METAP1D: variants seen among roughly 807,000 people sequenced by gnomAD.
The protein encoded by METAP1D is methionyl aminopeptidase type 1D, mitochondrial.
A neutral mutation model predicts 40.5 loss-of-function variants in METAP1D; 31 were observed. That is an observed-to-expected ratio of 0.77 (90% CI 0.58 to 1.03). The LOEUF (loss-of-function observed/expected upper bound fraction) is 1.03. METAP1D is among the 50% of genes least tolerant of loss of function. The pLI is 0.00. For synonymous variants in METAP1D, 151 were observed against 146.4 expected (o/e 1.03, Z -0.22); for missense variants, 411 against 420.7 (o/e 0.98, Z 0.20).
At chr2:172,030,078 T>TTTTA (rs1553491883) in intron 1 of METAP1D, among the ~76,000 whole-genome samples, 137 of 149,976 alleles carry the variant, frequency 9.1e-4, no homozygotes, top group Middle Eastern at 3.5e-3. Flanking sequence ...TTTTATTTTA[T>TTTTA]TTTATTTATT....
intron 4 of METAP1D, 149 bp downstream of exon 4, chr2:172,065,901 T>C: frequency 1.2e-6 from 1 of 840,076 alleles, no homozygotes; most frequent in Non-Finnish European, 1.8e-6. Flanking sequence ...TTTTGAAGTA[T>C]TTTACTTCTA....
In METAP1D at chr2:172,034,083, AAAAAAAAAAAC is replaced by A. The variant is rs1553492390; in HGVS notation, c.41-27410_41-27400del. Among the ~76,000 whole-genome samples, 34 of 150,178 alleles carry A rather than the reference AAAAAAAAAAAC, an allele frequency of 2.3e-4. No homozygotes were observed. In the East Asian group the frequency reaches 5.0e-3, roughly 22 times the overall value. ...CAGAGCAAGACTTCATCTCAAAAAA[AAAAAAAAAAAC>A]AAAAGTCCTCATCTTTTGGATGTAC... is the stretch of plus-strand genomic sequence containing the variant. On this transcript the variant is annotated intron_variant, in intron 1 of 9. Transcript: ENST00000315796.
intron 1 of METAP1D, among the ~76,000 whole-genome samples, chr2:172,006,209 A>C (rs1292073398): frequency 6.7e-6 from 1 of 149,100 alleles, no homozygotes; most frequent in Non-Finnish European, 1.5e-5. Flanking sequence ...TTTGAGACGA[A>C]GTCTCGCTCT....
chr2:172,025,359 C>CA (rs1219876213), intron 1 of METAP1D, among the ~76,000 whole-genome samples: 1 of 152,106 alleles, frequency 6.6e-6, no homozygotes, highest in Non-Finnish European at 1.5e-5. Context: ...GACAAGATCT[C>CA]ACTCTGTGGC....
chr2:172,032,819 T>C (rs1163859703), intron 1 of METAP1D, among the ~76,000 whole-genome samples: 4 of 152,108 alleles, frequency 2.6e-5, no homozygotes, highest in Non-Finnish European at 1.5e-5. Flanking sequence ...TCCCAACACG[T>C]TGGGAGGCCG....
intron 1 of METAP1D, among the ~76,000 whole-genome samples, chr2:172,021,208 A>G (rs1343402944): frequency 6.6e-6 from 1 of 152,180 alleles, no homozygotes; most frequent in African/African-American, 2.4e-5. Flanking sequence ...TTTAGGATAT[A>G]TGGGGATAGA....
At chr2:172,077,560 G>A (rs949275450) in intron 6 of METAP1D, among the ~76,000 whole-genome samples, 5 of 152,158 alleles carry the variant, frequency 3.3e-5, no homozygotes, top group Non-Finnish European at 5.9e-5. Context: ...TGACTCAAAC[G>A]ACTGTGTTGG....
In METAP1D at chr2:172,063,754, A is replaced by G; in HGVS notation, c.242A>G (p.Asp81Gly). 6.2e-7 allele frequency: 1 copy of G among 1,614,102 alleles called. No homozygotes were observed. ...PDYVTTGIVP[D>G]WGDSIEVKNE... ...TATGTGACGACAGGCATTGTACCAG[A>G]CTGGGGAGACAGCATAGAAGTTAAG... Residue 81 changes from aspartate (D) to glycine (G), a missense_variant, in exon 3 of 10, where the codon GAC (aspartate) becomes GGC (glycine). Transcript: ENST00000315796.
At chr2:172,005,979 A>C (rs1688570663) in intron 1 of METAP1D, among the ~76,000 whole-genome samples, 1 of 152,158 alleles carries the variant, frequency 6.6e-6, no homozygotes, top group South Asian at 2.1e-4. Flanking sequence ...CAGTCATTAA[A>C]AAAAAATATA....
At chr2:172,072,791 C>T (rs1486384709) in intron 6 of METAP1D, among the ~76,000 whole-genome samples, 1 of 152,082 alleles carries the variant, frequency 6.6e-6, no homozygotes, top group Non-Finnish European at 1.5e-5. Context: ...CACAATTACT[C>T]ATATAATTGA....
chr2:172,003,899 G>C (rs190314812), intron 1 of METAP1D, among the ~76,000 whole-genome samples: 76 of 152,016 alleles, frequency 5.0e-4, no homozygotes, highest in African/African-American at 1.7e-3. Flanking sequence ...CGAGTAGCTG[G>C]GACCACAGGT....
At chr2:172,000,883 C>T (rs1416005540) in intron 1 of METAP1D, among the ~76,000 whole-genome samples, 2 of 152,070 alleles carry the variant, frequency 1.3e-5, no homozygotes, top group Admixed American at 6.6e-5. Context: ...TGCCTGTAGT[C>T]TCAGCTATTC....
chr2:172,061,357 T>G (rs1179449515), intron 1 of METAP1D, 141 bp from the exon 2 acceptor site: 3 of 663,930 alleles, frequency 4.5e-6, no homozygotes, highest in Non-Finnish European at 7.3e-6. Flanking sequence ...TACCACTGTT[T>G]TCATTTCTAT....
chr2:172,057,055 C>T (rs1435412088), intron 1 of METAP1D, among the ~76,000 whole-genome samples: 1 of 152,208 alleles, frequency 6.6e-6, no homozygotes, highest in Non-Finnish European at 1.5e-5. Flanking sequence ...AGAGCCCCTG[C>T]ACACTGCTGA....
chr2:172,071,178 C>G, intron 6 of METAP1D, 108 bp downstream of exon 6: 1 of 955,152 alleles, frequency 1.0e-6, no homozygotes. Flanking sequence ...ACCATCATTT[C>G]AGTCTGATAT....
chr2:172,030,893 G>T (rs1208028152), intron 1 of METAP1D, among the ~76,000 whole-genome samples: 6 of 152,244 alleles, frequency 3.9e-5, no homozygotes, highest in Admixed American at 2.0e-4. Flanking sequence ...ATCCTGCTGT[G>T]TAGTTTTAAG....
At position 172,068,857 on chromosome 2, in the gene METAP1D, C is replaced by T. The variant is rs57352446; in HGVS notation, c.541-2050C>T. The stretch of plus-strand genomic sequence containing the variant: ...TCCTTCCTTCCTTCCTTCCTTCCTT[C>T]GTTCCTCCCTTCCTCCCTCCCTTCC... On this transcript the variant is annotated intron_variant, in intron 5 of 9. Transcript: ENST00000315796. Among the ~76,000 whole-genome samples, 4,084 of 151,984 alleles carry T rather than the reference C, an allele frequency of 0.027. 539 individuals are homozygous for T. In the East Asian group the frequency reaches 0.42, roughly 16 times the overall value.
intron 1 of METAP1D, among the ~76,000 whole-genome samples, chr2:172,053,740 A>G (rs546362752): frequency 6.6e-6 from 1 of 152,304 alleles, no homozygotes; most frequent in East Asian, 1.9e-4. Flanking sequence ...TCTGGTTGAC[A>G]TTGTTAGCTA....
rs60153685 is a variant in METAP1D at position 172,055,403 on chromosome 2, C to T, written c.41-6095C>T. ...TTGATCTACATTAGTTACTGTAGTT[C>T]GGGTATCCTTTCTGTGACCCTGAAT... On this transcript the variant is annotated intron_variant, in intron 1 of 9. Coordinates refer to ENST00000315796, the MANE Select transcript of METAP1D (RefSeq NM_199227.3). Among the ~76,000 whole-genome samples the T allele has an allele frequency of 2.8e-3, 428 of 152,268 alleles. 13 individuals carry two copies. The East Asian group carries it at 0.05, about 18-fold the overall frequency.
Sources: allele counts gnomAD v4.1 joint callset (sites outside exome capture counted in the v4.1 genomes callset), GRCh38; gene constraint gnomAD v4.1.1; transcripts MANE v1.5; gene names NCBI Gene and HGNC (gene_info 2026-07-23, HGNC 2026-07-21).